Variants in PSD3 observed in about 807,000 individuals in gnomAD.
PSD3 encodes PH and SEC7 domain-containing protein 3.
Under a neutral mutation model 105.5 loss-of-function variants are expected in PSD3, and 49 were observed. That is an observed-to-expected ratio of 0.46 (90% CI 0.37 to 0.59). PSD3 has a LOEUF of 0.59. Among genes scored for constraint, PSD3 ranks in the 20% least tolerant of loss-of-function variants. The probability of loss-of-function intolerance (pLI) is 0.00; values close to 1 mark genes in which losing one functional copy is unlikely to be tolerated. For synonymous variants in PSD3, 557 were observed against 457.8 expected (o/e 1.22, Z -2.77); for missense variants, 1,561 against 1,263.8 (o/e 1.24, Z -3.57).
intron 4 of PSD3, among the ~76,000 whole-genome samples, chr8:18,860,945 C>T (rs899429134): frequency 2.6e-5 from 4 of 152,098 alleles, no homozygotes; most frequent in Middle Eastern, 6.8e-3. Context: ...AAGTAACAGG[C>T]GCCGCACCAT....
At chr8:18,558,570 C>G (rs1193614552) in intron 14 of PSD3, among the ~76,000 whole-genome samples, 1 of 152,108 alleles carries the variant, frequency 6.6e-6, no homozygotes, top group Non-Finnish European at 1.5e-5. Context: ...CGCCTGTAAT[C>G]CCAGCACTTT....
At chr8:18,764,798 C>T (rs1379522075) in intron 9 of PSD3, among the ~76,000 whole-genome samples, 1 of 152,106 alleles carries the variant, frequency 6.6e-6, no homozygotes, top group East Asian at 1.9e-4. Context: ...TCAATGTATA[C>T]AATCTTACCC....
chr8:19,035,182 C>T (rs1454848458), intron 1 of PSD3, among the ~76,000 whole-genome samples: 1 of 152,086 alleles, frequency 6.6e-6, no homozygotes, highest in African/African-American at 2.4e-5. Context: ...TCATTATGAA[C>T]ATAGTAATTA....
chr8:18,590,483 C>G (rs1803519056), intron 12 of PSD3, among the ~76,000 whole-genome samples: 1 of 152,076 alleles, frequency 6.6e-6, no homozygotes, highest in African/African-American at 2.4e-5. Context: ...ACCCATATGT[C>G]AATAATACAC....
intron 2 of PSD3, chr8:18,887,173 G>C (rs1374553590): frequency 6.6e-6 from 1 of 152,130 alleles, no homozygotes; most frequent in African/African-American, 2.4e-5. Flanking sequence ...AGATGGGTAG[G>C]TTCTCTTTAA....
At chr8:18,844,697 A>T (rs1269870327) in intron 4 of PSD3, among the ~76,000 whole-genome samples, 1 of 152,218 alleles carries the variant, frequency 6.6e-6, no homozygotes, top group Non-Finnish European at 1.5e-5. Context: ...TCAGGGAAAA[A>T]TAAGATTATT....
At chr8:19,072,194 T>C (rs1165620000) in intron 1 of PSD3, among the ~76,000 whole-genome samples, 7 of 151,682 alleles carry the variant, frequency 4.6e-5, no homozygotes, top group Non-Finnish European at 2.9e-5. Context: ...CTCCACCTCC[T>C]GGGTTCAAGC....
Position 18,819,575 on chromosome 8 carries a change from ATTT to A in PSD3, c.1635-14680_1635-14678del, listed in dbSNP as rs746931460. Among the ~76,000 whole-genome samples, 290 of 111,280 alleles carry A rather than the reference ATTT, an allele frequency of 2.6e-3. 1 individual carries two copies. Among genetic ancestry groups the A allele is most frequent in the African/African-American group, 6.3e-3 (177 of 28,272 alleles). 73.0% of individuals were successfully genotyped at this position (111,280 alleles called of 152,430 possible). A position where few individuals can be genotyped will look rare whatever the true frequency, so the allele number is the denominator to read the frequency against. ...TTCAAATTCTTTAAAATTAGAATGG[ATTT>A]TTTTTTTTTTTTTTTTTTGAGATGG... On this transcript the variant is annotated intron_variant, in intron 4 of 15. Coordinates refer to ENST00000327040, the MANE Select transcript of PSD3 (RefSeq NM_015310.4).
At chr8:18,585,981 A>G (rs558193534) in intron 12 of PSD3, among the ~76,000 whole-genome samples, 2 of 152,054 alleles carry the variant, frequency 1.3e-5, no homozygotes, top group African/African-American at 2.4e-5. Flanking sequence ...CTCTTCCAAG[A>G]GATATATTTT....
At chr8:18,929,298 A>G (rs1412352360) in intron 2 of PSD3, among the ~76,000 whole-genome samples, 1 of 152,166 alleles carries the variant, frequency 6.6e-6, no homozygotes, top group African/African-American at 2.4e-5. Flanking sequence ...CATAGACAGA[A>G]GTCACAACCC....
intron 1 of PSD3, among the ~76,000 whole-genome samples, chr8:19,053,555 T>C (rs1232424692): frequency 6.6e-6 from 1 of 151,922 alleles, no homozygotes; most frequent in Non-Finnish European, 1.5e-5. Context: ...TCCCAGCACT[T>C]TTGGAGGCCA....
chr8:18,669,909 A>G (rs2130908003), intron 9 of PSD3, among the ~76,000 whole-genome samples: 1 of 152,336 alleles, frequency 6.6e-6, no homozygotes, highest in South Asian at 2.1e-4. Context: ...CCATTCATTT[A>G]TTCATTCATA....
intron 14 of PSD3, among the ~76,000 whole-genome samples, chr8:18,562,914 AAAAAGAAAAAGAAAAAG>A (rs879415399): frequency 0.031 from 591 of 18,934 alleles, 9 homozygotes; most frequent in Non-Finnish European, 0.065. Context: ...AAAGAAAAAG[AAAAAGAAAAAGAAAAAG>A]AAAAAACAAA....
intron 9 of PSD3, among the ~76,000 whole-genome samples, chr8:18,750,961 A>G (rs560888990): frequency 6.6e-6 from 1 of 152,218 alleles, no homozygotes; most frequent in Admixed American, 6.5e-5. Context: ...CACCAGACTC[A>G]GGAGACCAGC....
At chr8:18,799,578 G>C (rs893342515) in intron 7 of PSD3, among the ~76,000 whole-genome samples, 2 of 152,166 alleles carry the variant, frequency 1.3e-5, no homozygotes, top group South Asian at 4.1e-4. Context: ...CCTCTCTGGA[G>C]GACAGTTTGG....
At chr8:18,632,206 C>A (rs1407695795) in intron 11 of PSD3, among the ~76,000 whole-genome samples, 2 of 152,014 alleles carry the variant, frequency 1.3e-5, no homozygotes, top group African/African-American at 4.8e-5. Context: ...GGACCTTACA[C>A]CATTAATTTT....
At chr8:18,613,798 T>G (rs1805453070) in intron 11 of PSD3, among the ~76,000 whole-genome samples, 1 of 152,140 alleles carries the variant, frequency 6.6e-6, no homozygotes, top group Non-Finnish European at 1.5e-5. Flanking sequence ...GTACCTTGCC[T>G]TGAATCTTTG....
chr8:18,767,012 G>A (rs1807057365), intron 8 of PSD3, among the ~76,000 whole-genome samples: 1 of 152,136 alleles, frequency 6.6e-6, no homozygotes, highest in South Asian at 2.1e-4. Context: ...ATCTTCCAAA[G>A]CTACTCACTG....
chr8:19,021,013 G>A (rs552560938), intron 1 of PSD3, among the ~76,000 whole-genome samples: 36 of 152,162 alleles, frequency 2.4e-4, no homozygotes, highest in Non-Finnish European at 4.4e-4. Flanking sequence ...AGGAGTGGGA[G>A]CTGTAACAGA....
Sources: allele counts gnomAD v4.1 joint callset (sites outside exome capture counted in the v4.1 genomes callset), GRCh38; gene constraint gnomAD v4.1.1; transcripts MANE v1.5; gene names NCBI Gene and HGNC (gene_info 2026-07-23, HGNC 2026-07-21).